Variants in RERE observed in about 807,000 individuals in gnomAD.
RERE encodes the protein arginine-glutamic acid dipeptide repeats.
RERE carries 40 observed loss-of-function variants against 146.1 expected under a neutral mutation model. That is an observed-to-expected ratio of 0.27 (90% confidence interval 0.21 to 0.36). The LOEUF (loss-of-function observed/expected upper bound fraction) is 0.36, where lower values mean the gene tolerates loss of function less well. Among genes scored for constraint, RERE ranks in the 10% least tolerant of loss-of-function variants. The pLI is 1.00. For synonymous variants in RERE, 1,003 were observed against 866.0 expected (o/e 1.16, Z -2.78); for missense variants, 1,933 against 2,138.7 (o/e 0.90, Z 1.90).
At chr1:8,537,135 T>C (rs981990268) in intron 7 of RERE, among the ~76,000 whole-genome samples, 1 of 152,154 alleles carries the variant, frequency 6.6e-6, no homozygotes, top group Non-Finnish European at 1.5e-5. Context: ...GCCAGGTAAG[T>C]TGAGGCTGTG....
chr1:8,562,110 A>T (rs1338790518), intron 4 of RERE, among the ~76,000 whole-genome samples: 1 of 152,210 alleles, frequency 6.6e-6, no homozygotes, highest in Non-Finnish European at 1.5e-5. Flanking sequence ...AAAATGTCAG[A>T]TATTACTATC....
intron 1 of RERE, among the ~76,000 whole-genome samples, chr1:8,724,208 A>G (rs897639568): frequency 6.6e-6 from 1 of 152,188 alleles, no homozygotes; most frequent in Non-Finnish European, 1.5e-5. Flanking sequence ...ATATTTGCAT[A>G]AATTAAAGCT....
In RERE at chr1:8,423,673, G is replaced by A. The variant is rs949735709; in HGVS notation, c.1204-866C>T. ...TGTCACTGGGCTCCGGCTCCACAAAGCGCAGGGCGGAGGCGGCCGCGGGTG... is the reference window on the plus strand; with the variant it reads ...TGTCACTGGGCTCCGGCTCCACAAAACGCAGGGCGGAGGCGGCCGCGGGTG... On this transcript the variant is annotated intron_variant, in intron 11 of 22. Coordinates refer to ENST00000400908, the MANE Select transcript of RERE (RefSeq NM_001042681.2). The surrounding 1 kb of genome is among the most constrained non-coding windows in gnomAD (Gnocchi z 5.4). The A allele has an allele frequency of 3.0e-6, 3 of 983,978 alleles. No homozygotes were observed. The Admixed American group carries it at 1.9e-4, about 61-fold the overall frequency. The allele number at this position is 983,978 out of a possible 1,614,324, so 61.0% of individuals were successfully genotyped here.
chr1:8,623,307 C>T (rs1646937926), intron 3 of RERE, among the ~76,000 whole-genome samples: 2 of 151,964 alleles, frequency 1.3e-5, no homozygotes, highest in Non-Finnish European at 2.9e-5. Context: ...AAAAATCAGC[C>T]GGTTGTACTG....
At chr1:8,466,764 TC>T (rs1644603562) in intron 10 of RERE, among the ~76,000 whole-genome samples, 1 of 152,212 alleles carries the variant, frequency 6.6e-6, no homozygotes, top group Admixed American at 6.5e-5. Flanking sequence ...CAGACTTGTT[TC>T]TTGTCAAAGC....
At chr1:8,700,354 C>A (rs1007366379) in intron 1 of RERE, among the ~76,000 whole-genome samples, 2 of 151,960 alleles carry the variant, frequency 1.3e-5, no homozygotes, top group Admixed American at 6.6e-5. Context: ...CAGCTCTGGA[C>A]AGTAGTATCT....
chr1:8,441,614 AT>A (rs1644249370), intron 11 of RERE, among the ~76,000 whole-genome samples: 2 of 152,258 alleles, frequency 1.3e-5, no homozygotes, highest in African/African-American at 4.8e-5. Flanking sequence ...CATCTGATAG[AT>A]TGCGGAAAGT....
At chr1:8,566,428 T>C (rs1646153141) in intron 4 of RERE, among the ~76,000 whole-genome samples, 1 of 152,022 alleles carries the variant, frequency 6.6e-6, no homozygotes, top group Admixed American at 6.6e-5. Context: ...AAGACCAGCC[T>C]GGCCAAGATG....
At chr1:8,730,411 C>T (rs1354953180) in intron 1 of RERE, among the ~76,000 whole-genome samples, 1 of 152,132 alleles carries the variant, frequency 6.6e-6, no homozygotes, top group East Asian at 1.9e-4. Context: ...GGCGCGATCT[C>T]GGCTCACCGC....
At chr1:8,713,875 A>G (rs1639715133) in intron 1 of RERE, among the ~76,000 whole-genome samples, 1 of 152,230 alleles carries the variant, frequency 6.6e-6, no homozygotes. Context: ...TACTTAGCTT[A>G]CACAGGCAAT....
chr1:8,817,576 A>G lies in RERE; in HGVS notation c.-561T>C. The stretch of plus-strand genomic sequence containing the variant: ...GCGGGGACCGAGGCCCAGCGGGGCG[A>G]GCGTCTCGGGGTGTGCGGGAGGCTG... On this transcript the variant is annotated 5_prime_UTR_variant, in exon 1 of 23. Coordinates refer to ENST00000400908, the MANE Select transcript of RERE (RefSeq NM_001042681.2). 6.8e-6 allele frequency: 1 copy of G among 147,924 alleles called. No homozygotes were observed. Among genetic ancestry groups the G allele is most frequent in the Non-Finnish European group, 1.5e-5 (1 of 67,228 alleles). 9.2% of individuals were successfully genotyped at this position (147,924 alleles called of 1,614,324 possible).
intron 12 of RERE, among the ~76,000 whole-genome samples, chr1:8,393,626 G>A (rs754618943): frequency 1.3e-5 from 2 of 152,142 alleles, no homozygotes; most frequent in Non-Finnish European, 2.9e-5. Context: ...CCCAAGCGCA[G>A]GCAAGGTCCA....
chr1:8,427,924 T>A (rs1440026057), intron 11 of RERE, among the ~76,000 whole-genome samples: 2 of 152,158 alleles, frequency 1.3e-5, no homozygotes, highest in African/African-American at 4.8e-5. Context: ...ACCCCGAAGT[T>A]TTTAAGACTT....
At chr1:8,669,377 G>A (rs949384251) in intron 1 of RERE, among the ~76,000 whole-genome samples, 1 of 152,110 alleles carries the variant, frequency 6.6e-6, no homozygotes, top group African/African-American at 2.4e-5. Flanking sequence ...GGGATTACAG[G>A]CATAAGCCAC....
At chr1:8,385,747 G>C (rs1009053982) in intron 12 of RERE, among the ~76,000 whole-genome samples, 1 of 150,876 alleles carries the variant, frequency 6.6e-6, no homozygotes, top group Non-Finnish European at 1.5e-5. Context: ...TGGATCACTA[G>C]GTCAGGAGAT....
chr1:8,430,835 C>A (rs1410845198), intron 11 of RERE, among the ~76,000 whole-genome samples: 1 of 152,210 alleles, frequency 6.6e-6, no homozygotes. Flanking sequence ...TAAATTAAAT[C>A]TCCTGGCCCA....
chr1:8,794,307 G>A (rs1569812135), intron 1 of RERE, among the ~76,000 whole-genome samples: 2 of 129,012 alleles, frequency 1.6e-5, no homozygotes, highest in Admixed American at 9.7e-5. Context: ...GTAGTGAGCC[G>A]AGATCGTGCC....
At chr1:8,645,251 G>A (rs1483897883) in intron 2 of RERE, among the ~76,000 whole-genome samples, 1 of 152,154 alleles carries the variant, frequency 6.6e-6, no homozygotes, top group African/African-American at 2.4e-5. Context: ...TTTAGAAGAT[G>A]CAAATTATTC....
intron 7 of RERE, among the ~76,000 whole-genome samples, chr1:8,514,226 A>G (rs1011278310): frequency 1.8e-4 from 27 of 152,224 alleles, no homozygotes; most frequent in African/African-American, 6.0e-4. Context: ...CATCTTCAAG[A>G]AAGTTTCTGC....
Sources: allele counts gnomAD v4.1 joint callset (sites outside exome capture counted in the v4.1 genomes callset), GRCh38; gene constraint gnomAD v4.1.1; non-coding constraint Gnocchi (gnomAD v3.1); transcripts MANE v1.5; gene names NCBI Gene and HGNC (gene_info 2026-07-23, HGNC 2026-07-21).